The following RGS22 variants were observed in gnomAD, a reference collection of about 807,000 sequenced individuals.
RGS22 encodes the protein regulator of G-protein signaling 22.
RGS22 carries 148 observed loss-of-function variants against 172.9 expected under a neutral mutation model. The observed-to-expected ratio is 0.86, with a 90% CI of 0.75 to 0.98. The LOEUF is 0.98. Among genes scored for constraint, RGS22 ranks in the 50% least tolerant of loss-of-function variants. The pLI is 0.00. For synonymous variants in RGS22, 458 were observed against 480.2 expected (o/e 0.95, Z 0.60); for missense variants, 1,347 against 1,440.8 (o/e 0.93, Z 1.05).
At chr8:100,042,929 T>C (rs950534656) in intron 11 of RGS22, among the ~76,000 whole-genome samples, 3 of 152,186 alleles carry the variant, frequency 2.0e-5, no homozygotes, top group African/African-American at 7.2e-5. Flanking sequence ...CTGAGGAAGC[T>C]TGCTTTCCTG....
intron 21 of RGS22, among the ~76,000 whole-genome samples, chr8:99,982,920 G>A (rs959154626): frequency 5.9e-5 from 9 of 152,116 alleles, no homozygotes; most frequent in East Asian, 1.9e-4. Flanking sequence ...TAGGTAGAGC[G>A]TAGTACCCAA....
intron 23 of RGS22, among the ~76,000 whole-genome samples, chr8:99,973,968 C>T (rs563602490): frequency 5.9e-5 from 9 of 151,546 alleles, no homozygotes; most frequent in Middle Eastern, 3.5e-3. Context: ...CAAACCCGCA[C>T]GTTACGCACA....
chr8:100,038,919 T>C lies in RGS22; in HGVS notation c.2166+12A>G. On this transcript the variant is annotated intron_variant, in intron 14 of 27. Coordinates refer to ENST00000360863, the MANE Select transcript of RGS22 (RefSeq NM_015668.5). ...AGTGCTTCACATTGAACCAATATTA[T>C]TTACTACGTACTTGCGCTTGCTTGC... 1 of 1,563,454 alleles carries C rather than the reference T, an allele frequency of 6.4e-7. No individual in the cohort carries two copies. Among genetic ancestry groups the C allele is most frequent in the Middle Eastern group, 1.7e-4 (1 of 5,938 alleles).
Position 99,965,368 on chromosome 8 carries a change from A to G in RGS22, c.3582T>C (p.Asp1194=), listed in dbSNP as rs373870840. ...VPAIKTALLS[D]SFLGLQPYGR... ...CATATGGTTGGAGGCCTAGGAAGGAATCACTGAGTAAAGCAGTTTTGATAG... is the reference window on the plus strand; with the variant it reads ...CATATGGTTGGAGGCCTAGGAAGGAGTCACTGAGTAAAGCAGTTTTGATAG... The change falls in exon 24 of 28, where the codon GAT becomes GAC. Residue 1194 remains aspartate (D), a synonymous_variant. Transcript: ENST00000360863. The G allele has an allele frequency of 9.9e-6, 16 of 1,613,812 alleles. No individual in the cohort carries two copies. Among genetic ancestry groups the G allele is most frequent in the Non-Finnish European group, 1.3e-5 (15 of 1,179,784 alleles).
At chr8:99,983,806 A>G (rs1812795555) in intron 21 of RGS22, among the ~76,000 whole-genome samples, 1 of 152,190 alleles carries the variant, frequency 6.6e-6, no homozygotes, top group Non-Finnish European at 1.5e-5. Context: ...TTTATTAAGT[A>G]CCCAGTATAT....
In RGS22 at chr8:99,990,238, C is replaced by T. The variant is rs552089126; in HGVS notation, c.3019-2619G>A. On this transcript the variant is annotated intron_variant, in intron 20 of 27. Coordinates refer to ENST00000360863, the MANE Select transcript of RGS22 (RefSeq NM_015668.5). ...AATGAGCTATGATCATACTACTGCA[C>T]GGTAGCCTGGGCAACAGAGCAAGAC... Among the ~76,000 whole-genome samples, 28 of 152,142 alleles carry T rather than the reference C, an allele frequency of 1.8e-4. No individual in the cohort carries two copies. In the South Asian group the frequency reaches 3.5e-3, roughly 19 times the overall value.
intron 10 of RGS22, among the ~76,000 whole-genome samples, chr8:100,049,363 T>G (rs946286956): frequency 3.3e-5 from 5 of 152,226 alleles, no homozygotes; most frequent in African/African-American, 1.2e-4. Context: ...GAGTATTTTC[T>G]GCCAAGGAGA....
chr8:100,000,075 C>T (rs1814869405), intron 18 of RGS22, among the ~76,000 whole-genome samples: 1 of 152,134 alleles, frequency 6.6e-6, no homozygotes, highest in East Asian at 1.9e-4. Context: ...ATTTGTAAAA[C>T]ACAACTTCTT....
At chr8:100,058,466 A>G (rs1809830838) in intron 9 of RGS22, among the ~76,000 whole-genome samples, 1 of 152,164 alleles carries the variant, frequency 6.6e-6, no homozygotes, top group Non-Finnish European at 1.5e-5. Flanking sequence ...AAGAAAAATA[A>G]ACAATATACA....
At chr8:100,093,350 G>A in intron 3 of RGS22, 97 bp downstream of exon 3, 1 of 676,294 alleles carries the variant, frequency 1.5e-6, no homozygotes, top group Non-Finnish European at 2.6e-6. Context: ...TTTTTAAAAA[G>A]CATTATCCCT....
intron 11 of RGS22, chr8:100,046,379 C>T (rs992371964): frequency 6.6e-6 from 1 of 151,742 alleles, no homozygotes; most frequent in Non-Finnish European, 1.5e-5. Context: ...GCTTTTCTGT[C>T]AACTCATGAC....
At chr8:100,091,090 G>A (rs1447453210) in intron 3 of RGS22, among the ~76,000 whole-genome samples, 1 of 152,064 alleles carries the variant, frequency 6.6e-6, no homozygotes, top group Non-Finnish European at 1.5e-5. Context: ...ATTTAGCTAA[G>A]TGCTCATAAA....
At chr8:100,053,661 A>G (rs948132247) in intron 9 of RGS22, among the ~76,000 whole-genome samples, 1 of 152,174 alleles carries the variant, frequency 6.6e-6, no homozygotes, top group African/African-American at 2.4e-5. Flanking sequence ...TTTGACACGG[A>G]GTCTTGCTCT....
At chr8:100,068,561 T>G (rs1810710075) in intron 6 of RGS22, among the ~76,000 whole-genome samples, 1 of 152,184 alleles carries the variant, frequency 6.6e-6, no homozygotes. Context: ...GATTCTTCCC[T>G]TTACATGTTT....
intron 23 of RGS22, among the ~76,000 whole-genome samples, chr8:99,971,579 A>G (rs555643070): frequency 6.6e-6 from 1 of 152,274 alleles, no homozygotes. Flanking sequence ...CCATACACCA[A>G]TAATAGACAA....
At chr8:100,066,618 T>C (rs1308373547) in intron 6 of RGS22, among the ~76,000 whole-genome samples, 4 of 152,174 alleles carry the variant, frequency 2.6e-5, no homozygotes, top group Admixed American at 6.5e-5. Flanking sequence ...ACTACAATCC[T>C]GGTGATGGGC....
In RGS22 at chr8:100,008,407, T is replaced by C. The variant is rs1257729705; in HGVS notation, c.2329A>G (p.Met777Val). 16 of 1,611,748 alleles carry C rather than the reference T, an allele frequency of 9.9e-6. No homozygotes were observed. The highest frequency in any genetic ancestry group is 1.4e-5 in the Non-Finnish European group (16 of 1,179,606). The change falls in exon 15 of 28, where the codon ATG becomes GTG. Residue 777 changes from methionine to valine, a missense_variant. Met to Val is a conservative substitution (Grantham distance 21, BLOSUM62 1). Transcript: ENST00000360863. ...LLLLLEPWTK[M>V]VKSDQIAYKK... is the part of the protein sequence containing the mutation. ...TAAGCAATTTGGTCCGATTTTACCA[T>C]CTTTGTCCATGGCTCAAGAAGGAGG...
chr8:99,994,922 A>C (rs1303466670), intron 20 of RGS22, among the ~76,000 whole-genome samples: 1 of 152,242 alleles, frequency 6.6e-6, no homozygotes, highest in African/African-American at 2.4e-5. Context: ...ATAGAGATAT[A>C]GACCAATGGA....
intron 14 of RGS22, among the ~76,000 whole-genome samples, chr8:100,018,848 C>CTG (rs1283388853): frequency 6.6e-6 from 1 of 152,188 alleles, no homozygotes; most frequent in Non-Finnish European, 1.5e-5. Context: ...TCCCCATCTC[C>CTG]TTTCAAATGT....
Sources: gnomAD v4.1 joint callset for allele counts (sites outside exome capture counted in the v4.1 genomes callset) on GRCh38, gnomAD v4.1.1 for gene constraint, MANE v1.5 for transcripts, NCBI Gene and HGNC (gene_info 2026-07-23, HGNC 2026-07-21) for gene names.